Variants in UNC13C observed in about 807,000 individuals in gnomAD.
The protein encoded by UNC13C is protein unc-13 homolog C.
UNC13C carries 174 observed loss-of-function variants against 245.4 expected under a neutral mutation model. The ratio of observed to expected loss-of-function variants is 0.71; its 90% CI spans 0.63 to 0.80. The LOEUF (loss-of-function observed/expected upper bound fraction) is 0.80. Among genes scored for constraint, UNC13C ranks in the 30% least tolerant of loss-of-function variants. UNC13C has a pLI of 0.00. For missense variants in UNC13C, 2,829 were observed against 2,602.9 expected (o/e 1.09, Z -1.89); for synonymous variants, 992 against 895.1 (o/e 1.11, Z -1.93).
chr15:54,211,921 C>G (rs1427653631), intron 4 of UNC13C, among the ~76,000 whole-genome samples: 1 of 152,034 alleles, frequency 6.6e-6, no homozygotes, highest in Non-Finnish European at 1.5e-5. Flanking sequence ...TACATTGTCC[C>G]TGGGTTGTAA....
intron 2 of UNC13C, among the ~76,000 whole-genome samples, chr15:54,106,522 C>T (rs751095856): frequency 5.3e-5 from 8 of 152,208 alleles, no homozygotes; most frequent in Non-Finnish European, 1.0e-4. Flanking sequence ...ACTTAAGTAT[C>T]ATTTCATACA....
At chr15:53,879,096 T>C in the UNC13C span, among the ~76,000 whole-genome samples, 1 of 152,154 alleles carries the variant, frequency 6.6e-6, no homozygotes, top group Admixed American at 6.6e-5. Flanking sequence ...AAAAAATTAC[T>C]TTTTTTAGCA....
chr15:54,566,962 C>T (rs1029116262), intron 29 of UNC13C, among the ~76,000 whole-genome samples: 6 of 151,994 alleles, frequency 3.9e-5, no homozygotes, highest in African/African-American at 1.4e-4. Flanking sequence ...GAAAGAGAAC[C>T]GTTTATCTAA....
chr15:54,433,862 C>G (rs953176011), intron 19 of UNC13C, among the ~76,000 whole-genome samples: 11 of 152,170 alleles, frequency 7.2e-5, no homozygotes, highest in African/African-American at 2.6e-4. Flanking sequence ...ATTCCTCAAG[C>G]TGATAAGCAA....
At chr15:54,060,888 G>A (rs1384449712) in intron 2 of UNC13C, among the ~76,000 whole-genome samples, 7 of 151,978 alleles carry the variant, frequency 4.6e-5, no homozygotes, top group Admixed American at 6.6e-5. Flanking sequence ...AAACACCGCA[G>A]TTCTCACTCA....
intron 2 of UNC13C, among the ~76,000 whole-genome samples, chr15:54,051,356 A>G (rs1452353576): frequency 1.3e-5 from 2 of 152,134 alleles, no homozygotes; most frequent in Non-Finnish European, 2.9e-5. Context: ...GACACTCATT[A>G]TTTAAAAAGT....
chr15:53,865,915 G>A, the UNC13C span, among the ~76,000 whole-genome samples: 1 of 152,226 alleles, frequency 6.6e-6, no homozygotes, highest in South Asian at 2.1e-4. Flanking sequence ...AAAGAAAAGT[G>A]TGAATAAAGT....
chr15:54,034,612 A>G (rs568110549), intron 2 of UNC13C, among the ~76,000 whole-genome samples: 1 of 152,204 alleles, frequency 6.6e-6, no homozygotes, highest in Non-Finnish European at 1.5e-5. Flanking sequence ...ATGATGTGAA[A>G]TTCTTAGTGT....
At position 54,437,646 on chromosome 15, in the gene UNC13C, C is replaced by T. The variant is rs796436565; in HGVS notation, c.4933+22579C>T. Among the ~76,000 whole-genome samples the T allele has an allele frequency of 7.9e-5, 12 of 151,964 alleles. 1 individual carries two copies. The highest frequency in any genetic ancestry group is 2.9e-4 in the African/African-American group (12 of 41,502). On this transcript the variant is annotated intron_variant, in intron 19 of 32. Transcript: ENST00000260323. ...AGGTTAGTTAGCACTTAAGGCATAT[C>T]AGAGAGTAGTCAGTTAGTCCAGTTC... is the stretch of plus-strand genomic sequence containing the variant.
intron 4 of UNC13C, among the ~76,000 whole-genome samples, chr15:54,149,899 A>G (rs1163183811): frequency 6.6e-6 from 1 of 152,212 alleles, no homozygotes; most frequent in East Asian, 1.9e-4. Flanking sequence ...TAAGTAACCT[A>G]GAGATAATTT....
the UNC13C span, among the ~76,000 whole-genome samples, chr15:53,847,419 T>G: frequency 1.3e-5 from 2 of 151,818 alleles, no homozygotes; most frequent in Non-Finnish European, 2.9e-5. Context: ...TGCAACGATG[T>G]GGTCTCCCCT....
chr15:54,104,688 G>GTTT (rs35275247), intron 2 of UNC13C, among the ~76,000 whole-genome samples: 1 of 150,048 alleles, frequency 6.7e-6, no homozygotes, highest in Non-Finnish European at 1.5e-5. Context: ...TATATTTACA[G>GTTT]TTTTTTTTTT....
At chr15:54,187,467 T>C (rs2034033112) in intron 4 of UNC13C, among the ~76,000 whole-genome samples, 1 of 152,158 alleles carries the variant, frequency 6.6e-6, no homozygotes, top group Non-Finnish European at 1.5e-5. Context: ...TTAGTTTTGC[T>C]CTTTGAATTC....
chr15:54,505,465 C>T (rs144707294), intron 22 of UNC13C, among the ~76,000 whole-genome samples: 1 of 152,154 alleles, frequency 6.6e-6, no homozygotes. Flanking sequence ...ATGTGCATGT[C>T]CAACAAGTTC....
chr15:54,364,319 T>C (rs2039308316), intron 17 of UNC13C, among the ~76,000 whole-genome samples: 1 of 152,090 alleles, frequency 6.6e-6, no homozygotes, highest in Non-Finnish European at 1.5e-5. Context: ...AAAAATTTAA[T>C]TGCATGAAAA....
At chr15:54,430,097 CT>C (rs1389023636) in intron 19 of UNC13C, among the ~76,000 whole-genome samples, 2 of 151,380 alleles carry the variant, frequency 1.3e-5, no homozygotes, top group Non-Finnish European at 1.5e-5. Flanking sequence ...TAATTTAACC[CT>C]AAGATAACCT....
chr15:54,147,837 C>A (rs957997422), intron 4 of UNC13C, among the ~76,000 whole-genome samples: 2 of 114,224 alleles, frequency 1.8e-5, no homozygotes, highest in African/African-American at 5.6e-5. Flanking sequence ...CTCTAAGCAC[C>A]AGACTTGCAT....
chr15:54,358,263 G>A (rs1395443041), intron 17 of UNC13C, among the ~76,000 whole-genome samples: 1 of 152,008 alleles, frequency 6.6e-6, no homozygotes, highest in Non-Finnish European at 1.5e-5. Flanking sequence ...GATGCCTCCA[G>A]CTTCATTCTT....
chr15:54,081,312 C>G (rs1439559994), intron 2 of UNC13C, among the ~76,000 whole-genome samples: 1 of 152,044 alleles, frequency 6.6e-6, no homozygotes, highest in Non-Finnish European at 1.5e-5. Context: ...TCCATTTGGA[C>G]AAGAGTCCAA....
Sources: allele counts gnomAD v4.1 joint callset (sites outside exome capture counted in the v4.1 genomes callset), GRCh38; gene constraint gnomAD v4.1.1; transcripts MANE v1.5; gene names NCBI Gene and HGNC (gene_info 2026-07-23, HGNC 2026-07-21).